The following FBLN7 variants were observed in gnomAD, a reference collection of about 807,000 sequenced individuals.
FBLN7 encodes fibulin 7.
A neutral mutation model predicts 44.0 loss-of-function variants in FBLN7; 31 were observed. The observed-to-expected ratio is 0.70, with a 90% CI of 0.53 to 0.95. The LOEUF is 0.95. Ranked by LOEUF, FBLN7 falls within the 40% of genes least tolerant of loss-of-function variation. The pLI, the probability that FBLN7 is intolerant of heterozygous loss-of-function variation, is 0.00. For missense variants in FBLN7, 573 were observed against 618.5 expected (o/e 0.93, Z 0.78); for synonymous variants, 262 against 253.4 (o/e 1.03, Z -0.32).
the FBLN7 span, among the ~76,000 whole-genome samples, chr2:112,207,092 A>C: frequency 2.0e-5 from 3 of 152,156 alleles, no homozygotes; most frequent in Admixed American, 2.0e-4. Flanking sequence ...GAATTATTTC[A>C]ATACTTTTAA....
chr2:112,152,722 C>G (rs775221101), intron 1 of FBLN7: 1 of 152,220 alleles, frequency 6.6e-6, no homozygotes, highest in Non-Finnish European at 1.5e-5. Context: ...TGCCTTTGAC[C>G]TTGAGCTGCA....
the FBLN7 span, among the ~76,000 whole-genome samples, chr2:112,227,034 G>A: frequency 6.6e-6 from 1 of 152,102 alleles, no homozygotes; most frequent in Non-Finnish European, 1.5e-5. Context: ...ACTAGAAATA[G>A]GAGAGAACCT....
intron 1 of FBLN7, among the ~76,000 whole-genome samples, chr2:112,154,847 G>A (rs995847646): frequency 1.3e-5 from 2 of 152,192 alleles, no homozygotes; most frequent in Non-Finnish European, 2.9e-5. Context: ...TGAAAAGAGT[G>A]CATTGAGGAA....
intron 4 of FBLN7, 27 bp from the exon 5 acceptor site, chr2:112,181,712 G>A (rs1303754012): frequency 1.2e-5 from 16 of 1,364,996 alleles, no homozygotes; most frequent in African/African-American, 1.5e-5. Context: ...GCCAGGGCCC[G>A]GCACTGAGCG....
At chr2:112,241,713 A>C in the FBLN7 span, among the ~76,000 whole-genome samples, 1 of 152,204 alleles carries the variant, frequency 6.6e-6, no homozygotes, top group Non-Finnish European at 1.5e-5. Context: ...GCAGATCTCA[A>C]AATACCTTTT....
intron 1 of FBLN7, among the ~76,000 whole-genome samples, chr2:112,150,227 G>C (rs1036322480): frequency 6.6e-6 from 1 of 152,190 alleles, no homozygotes; most frequent in African/African-American, 2.4e-5. Context: ...TGAAGGAGGG[G>C]CTGGGGTCAG....
intron 1 of FBLN7, among the ~76,000 whole-genome samples, chr2:112,139,886 T>C (rs1449067868): frequency 1.9e-4 from 9 of 47,312 alleles, no homozygotes; most frequent in Admixed American, 2.3e-4. Context: ...TCCAGGCCAG[T>C]GTCCCTCCCG....
downstream of FBLN7, among the ~76,000 whole-genome samples, chr2:112,192,084 A>G (rs1376365485): frequency 6.6e-6 from 1 of 152,216 alleles, no homozygotes; most frequent in Non-Finnish European, 1.5e-5. Flanking sequence ...AGAACCATAT[A>G]GTATGTTTTC....
At chr2:112,179,978 A>G (rs1252086042) in intron 4 of FBLN7, among the ~76,000 whole-genome samples, 4 of 152,224 alleles carry the variant, frequency 2.6e-5, no homozygotes, top group African/African-American at 9.6e-5. Flanking sequence ...CAAAAGCAAA[A>G]ATTGACAAAC....
At chr2:112,209,825 C>T in the FBLN7 span, among the ~76,000 whole-genome samples, 6 of 148,962 alleles carry the variant, frequency 4.0e-5, no homozygotes, top group Non-Finnish European at 5.9e-5. Flanking sequence ...AGAAGAGTGG[C>T]CCAAAAAAGG....
At chr2:112,140,652 A>T (rs142190614) in intron 1 of FBLN7, among the ~76,000 whole-genome samples, 1 of 152,170 alleles carries the variant, frequency 6.6e-6, no homozygotes, top group Non-Finnish European at 1.5e-5. Context: ...CTGGGTCTCC[A>T]TGAGAGCTCC....
chr2:112,241,111 G>A, the FBLN7 span, among the ~76,000 whole-genome samples: 12 of 151,878 alleles, frequency 7.9e-5, no homozygotes, highest in Non-Finnish European at 1.5e-4. Context: ...TCTAAAGGGT[G>A]GGCTTAGGTA....
chr2:112,223,370 C>T, the FBLN7 span, among the ~76,000 whole-genome samples: 1 of 151,774 alleles, frequency 6.6e-6, no homozygotes, highest in Admixed American at 6.6e-5. Context: ...TCTAGAAACA[C>T]ACAAACAATC....
In FBLN7 at chr2:112,138,542, C is replaced by G. The variant is rs879160393; in HGVS notation, c.-114C>G. ...CCTCCCCCCCTGCCCCAGCCGCCCCCCGGCCGCGCGGCGCCCCGCACCCTG... is the reference window on the plus strand; with the variant it reads ...CCTCCCCCCCTGCCCCAGCCGCCCCGCGGCCGCGCGGCGCCCCGCACCCTG... On this transcript the variant is annotated 5_prime_UTR_variant, in exon 1 of 8. Transcript: ENST00000331203. 6.7e-7 allele frequency: 1 copy of G among 1,496,546 alleles called. No individual in the cohort carries two copies. Among genetic ancestry groups the G allele is most frequent in the Non-Finnish European group, 9.0e-7 (1 of 1,110,136 alleles). The allele number at this position is 1,496,546 out of a possible 1,614,324, so 92.7% of individuals were successfully genotyped here.
the FBLN7 span, among the ~76,000 whole-genome samples, chr2:112,223,607 T>C: frequency 6.6e-6 from 1 of 152,150 alleles, no homozygotes; most frequent in East Asian, 1.9e-4. Context: ...AAATAGTACA[T>C]TAAGAAAAAT....
chr2:112,214,259 A>G, the FBLN7 span: 1 of 152,086 alleles, frequency 6.6e-6, no homozygotes, highest in Non-Finnish European at 1.5e-5. Context: ...AATTGTTTTT[A>G]TGAAATTATT....
At chr2:112,164,800 A>G (rs1057465045) in intron 2 of FBLN7, among the ~76,000 whole-genome samples, 1 of 152,224 alleles carries the variant, frequency 6.6e-6, no homozygotes, top group Non-Finnish European at 1.5e-5. Flanking sequence ...ACCTTTTGCT[A>G]AGCAGGCATC....
chr2:112,216,101 C>T, the FBLN7 span: 8 of 152,168 alleles, frequency 5.3e-5, no homozygotes, highest in Non-Finnish European at 8.8e-5. Context: ...GTTCTCTCTC[C>T]TCAAACCTCC....
rs778588026 is a variant in FBLN7 at position 112,182,898 on chromosome 2, C to T, written c.778C>T (p.Arg260Ter). Residue 260 changes from arginine to a stop codon, truncating the protein, a stop_gained, in exon 6 of 8, where the codon CGA (arginine) becomes TGA (stop). Transcript: ENST00000331203. LOFTEE classifies it high-confidence loss of function. ...SYRCTCPGGY[R>*]TLADGKSCED... ...CCGTTGCACCTGCCCCGGTGGATAC[C>T]GAACTCTGGCTGACGGGAAGAGCTG... 9 of 1,612,762 alleles carry T rather than the reference C, an allele frequency of 5.6e-6. No individual in the cohort carries two copies. Among genetic ancestry groups the T allele is most frequent in the African/African-American group, 4.0e-5 (3 of 74,936 alleles).
Sources: gnomAD v4.1 joint callset for allele counts (sites outside exome capture counted in the v4.1 genomes callset) on GRCh38, gnomAD v4.1.1 for gene constraint, MANE v1.5 for transcripts, NCBI Gene and HGNC (gene_info 2026-07-23, HGNC 2026-07-21) for gene names.